Variants in USP31 observed in about 807,000 individuals in gnomAD.
USP31 encodes the protein ubiquitin specific peptidase 31, also known as ubiquitin carboxyl-terminal hydrolase 31.
Under a neutral mutation model 119.4 loss-of-function variants are expected in USP31, and 44 were observed. The observed-to-expected ratio is 0.37, with a 90% CI of 0.29 to 0.47. The LOEUF (loss-of-function observed/expected upper bound fraction) is 0.47, where lower values mean the gene tolerates loss of function less well. USP31 is among the 20% of genes least tolerant of loss of function. The pLI, the probability that USP31 is intolerant of heterozygous loss-of-function variation, is 0.99. For synonymous variants in USP31, 749 were observed against 705.6 expected (o/e 1.06, Z -0.97); for missense variants, 1,643 against 1,730.2 (o/e 0.95, Z 0.89).
chr16:23,110,403 T>C (rs955371668), intron 1 of USP31, among the ~76,000 whole-genome samples: 5 of 152,086 alleles, frequency 3.3e-5, no homozygotes, highest in South Asian at 2.1e-4. Context: ...GGAAGCAACA[T>C]GCACAAACAA....
Position 23,082,489 on chromosome 16 carries a change from G to T in USP31, c.1899C>A (p.Ser633Arg). The change falls in exon 12 of 16, where the codon AGC becomes AGA. Residue 633 changes from serine to arginine, a missense_variant. Coordinates refer to ENST00000219689, the MANE Select transcript of USP31 (RefSeq NM_020718.4). ...TAAGCACATCAGGCAGAGTCCAGAG[G>T]CTTAACGTAATGCTTCCCTGCTGCA... The part of the protein sequence containing the change: ...KQLQQGSITL[S>R]LWTLPDVLII... 1 of 1,614,212 alleles carries T rather than the reference G, an allele frequency of 6.2e-7. No individual in the cohort carries two copies. The highest frequency in any genetic ancestry group is 8.5e-7 in the Non-Finnish European group (1 of 1,180,040).
At chr16:23,078,124 C>T (rs950554777) in intron 13 of USP31, among the ~76,000 whole-genome samples, 7 of 151,768 alleles carry the variant, frequency 4.6e-5, no homozygotes, top group East Asian at 3.9e-4. Flanking sequence ...CCATCCTGGC[C>T]AACATGGTGA....
rs572944940 is a variant in USP31, at chr16:23,109,812, G to A, written c.634-1629C>T. Among the ~76,000 whole-genome samples the A allele has an allele frequency of 1.9e-3, 202 of 104,028 alleles. 3 individuals carry two copies. In the Middle Eastern group the frequency reaches 0.022, roughly 11 times the overall value. The allele number at this position is 104,028 out of a possible 152,430, so 68.2% of individuals were successfully genotyped here. On this transcript the variant is annotated intron_variant, in intron 1 of 15. Coordinates refer to ENST00000219689, the MANE Select transcript of USP31 (RefSeq NM_020718.4). ...CAGTCTAATCATAAGGAAAACATCA[G>A]ACAAAACCCAAACTGAGGGACATTC...
chr16:23,085,691 G>A, intron 9 of USP31, 29 bp from the exon 10 acceptor site: 1 of 1,544,112 alleles, frequency 6.5e-7, no homozygotes, highest in Non-Finnish European at 8.9e-7. Flanking sequence ...GGAGAGGGAA[G>A]CCACATATTA....
rs758033195 is a variant in USP31, at chr16:23,082,536, G to A, written c.1852C>T (p.Arg618Cys). 2.5e-6 allele frequency: 4 copies of A among 1,614,042 alleles called. No homozygotes were observed. Among genetic ancestry groups the A allele is most frequent in the East Asian group, 2.2e-5 (1 of 44,886 alleles). The change falls in exon 12 of 16, where the codon CGT (arginine) becomes TGT (cysteine). Residue 618 changes from arginine (R) to cysteine (C), a missense_variant. Physicochemically the swap from Arg to Cys is radical, Grantham distance 180. Transcript: ENST00000219689. ...EERLAPDDAW[R>C]CPHCKQLQQG... is the part of the protein sequence containing the mutation. ...TGCAGCTGCTTACAGTGTGGGCAAC[G>A]CCAGGCATCATCGGGGGCAAGCTGA...
intron 1 of USP31, among the ~76,000 whole-genome samples, chr16:23,135,123 ACT>A (rs976887365): frequency 1.4e-5 from 2 of 145,772 alleles, no homozygotes; most frequent in African/African-American, 5.1e-5. Flanking sequence ...AAAATTCAAC[ACT>A]CTTTCATGAT....
chr16:23,082,426 G>T lies in USP31; in HGVS notation c.1950+12C>A, dbSNP rs748748007. 1 of 1,613,684 alleles carries T rather than the reference G, an allele frequency of 6.2e-7. No homozygotes were observed. Among genetic ancestry groups the T allele is most frequent in the Non-Finnish European group, 8.5e-7 (1 of 1,179,682 alleles). ...CAACTTGTTTGTTCCTGAGGATAAA[G>T]GATTTCCATACCTGCCGAAATCTCT... On this transcript the variant is annotated intron_variant, in intron 12 of 15. Coordinates refer to ENST00000219689, the MANE Select transcript of USP31 (RefSeq NM_020718.4).
At chr16:23,130,715 G>A (rs1017037497) in intron 1 of USP31, among the ~76,000 whole-genome samples, 9 of 152,082 alleles carry the variant, frequency 5.9e-5, no homozygotes, top group East Asian at 1.9e-4. Context: ...AGAATGACAC[G>A]TAAACATAAA....
At position 23,066,370 on chromosome 16, in the gene USP31, G is replaced by T. The variant is rs1337874972; in HGVS notation, c.*1676C>A. 1 of 152,346 alleles carries T rather than the reference G, an allele frequency of 6.6e-6. No individual in the cohort carries two copies. Among genetic ancestry groups the T allele is most frequent in the African/African-American group, 2.4e-5 (1 of 41,316 alleles). The allele number at this position is 152,346 out of a possible 1,614,324, so 9.4% of individuals were successfully genotyped here. A position where few individuals can be genotyped will look rare whatever the true frequency, so the allele number is the denominator to read the frequency against. Reference sequence around the variant, plus strand: ...CAAATTAGCAGCAAAATAAAGTTAAGTAACGTACTAAAAACTTTTCCCAAG... The same window carrying T: ...CAAATTAGCAGCAAAATAAAGTTAATTAACGTACTAAAAACTTTTCCCAAG... On this transcript the variant is annotated 3_prime_UTR_variant, in exon 16 of 16. Transcript: ENST00000219689.
At chr16:23,111,251 AG>A in intron 1 of USP31, among the ~76,000 whole-genome samples, 1 of 152,256 alleles carries the variant, frequency 6.6e-6, no homozygotes, top group African/African-American at 2.4e-5. Context: ...TGACAGTCTA[AG>A]CTAAAGCAGT....
At chr16:23,074,287 A>G (rs1900470931) in intron 13 of USP31, among the ~76,000 whole-genome samples, 1 of 152,186 alleles carries the variant, frequency 6.6e-6, no homozygotes. Flanking sequence ...TATAATGCAC[A>G]GGACAGCCCC....
intron 1 of USP31, among the ~76,000 whole-genome samples, chr16:23,139,440 T>C (rs1446586867): frequency 6.6e-6 from 1 of 152,202 alleles, no homozygotes; most frequent in East Asian, 1.9e-4. Flanking sequence ...AATAAACTGA[T>C]ATTTCTGCAG....
chr16:23,082,786 G>A (rs888791413), intron 11 of USP31, among the ~76,000 whole-genome samples: 3 of 151,212 alleles, frequency 2.0e-5, no homozygotes, highest in East Asian at 1.9e-4. Flanking sequence ...CGACTAAATC[G>A]GTAAATACTG....
chr16:23,069,732 T>C (rs923864365), intron 15 of USP31, 116 bp from the exon 16 acceptor site: 1 of 1,350,254 alleles, frequency 7.4e-7, no homozygotes, highest in African/African-American at 1.5e-5. Flanking sequence ...GAGCATGACC[T>C]TCAGAGCCAG....
chr16:23,073,910 G>T (rs767034525), intron 13 of USP31, 30 bp from the exon 14 acceptor site: 121 of 1,612,912 alleles, frequency 7.5e-5, no homozygotes, highest in Non-Finnish European at 6.2e-5. Context: ...ATCAGCACCA[G>T]GGGAGGCTGC....
chr16:23,104,382 T>C lies in USP31; in HGVS notation c.1089+1059A>G, dbSNP rs549734214. Among the ~76,000 whole-genome samples, 5 of 152,336 alleles carry C rather than the reference T, an allele frequency of 3.3e-5. No individual in the cohort carries two copies. The East Asian group carries it at 9.6e-4, about 29-fold the overall frequency. ...AATTATTTCACCAATTTAAACCACA[T>C]GCAAAAGGAGCCAGACAGTGCTGGA... On this transcript the variant is annotated intron_variant, in intron 5 of 15. Transcript: ENST00000219689.
intron 1 of USP31, among the ~76,000 whole-genome samples, chr16:23,128,136 A>G (rs894489396): frequency 1.3e-5 from 2 of 152,240 alleles, no homozygotes; most frequent in Non-Finnish European, 2.9e-5. Flanking sequence ...TTCATGATTT[A>G]GCTTTAAAAG....
At position 23,068,300 on chromosome 16, in the gene USP31, C is replaced by T. The variant is rs35541113; in HGVS notation, c.3805G>A (p.Asp1269Asn). 33,277 of 1,613,858 alleles carry T rather than the reference C, an allele frequency of 0.021. 486 individuals carry two copies. The highest frequency in any genetic ancestry group is 0.045 in the Middle Eastern group (270 of 6,060). ...GGCTGGTGGCCTCTCTCTGCCTCGT[C>T]GTCCCCGGTGTTCTTACAGACAGAC... The part of the protein sequence containing the change: ...VKSVCKNTGD[D>N]EAERGHQPPA... The change falls in exon 16 of 16, where the codon GAC becomes AAC. Residue 1269 changes from aspartate to asparagine, a missense_variant. Transcript: ENST00000219689.
At chr16:23,139,505 G>C (rs1903291172) in intron 1 of USP31, among the ~76,000 whole-genome samples, 1 of 152,214 alleles carries the variant, frequency 6.6e-6, no homozygotes, top group Non-Finnish European at 1.5e-5. Flanking sequence ...AGCAAACCAG[G>C]TGTCATGACT....
Sources: allele counts gnomAD v4.1 joint callset (sites outside exome capture counted in the v4.1 genomes callset), GRCh38; gene constraint gnomAD v4.1.1; transcripts MANE v1.5; gene names NCBI Gene and HGNC (gene_info 2026-07-23, HGNC 2026-07-21).